TRIOBP: variants seen among roughly 807,000 people sequenced by gnomAD.
TRIOBP encodes the protein TRIO and F-actin binding protein.
TRIOBP carries 169 observed loss-of-function variants against 238.8 expected under a neutral mutation model. The ratio of observed to expected loss-of-function variants is 0.71; its 90% CI spans 0.62 to 0.80. TRIOBP has a LOEUF of 0.80. Ranked by LOEUF, TRIOBP falls within the 30% of genes least tolerant of loss-of-function variation. The probability of loss-of-function intolerance (pLI) is 0.00; values close to 1 mark genes in which losing one functional copy is unlikely to be tolerated. For missense variants in TRIOBP, 2,838 were observed against 3,122.6 expected, an observed-to-expected ratio of 0.91 and a Z score of 2.17; for synonymous variants, 1,150 against 1,274.4, an observed-to-expected ratio of 0.90 and a Z score of 2.08.
chr22:37,732,503 C>G (rs1924471778), intron 7 of TRIOBP, among the ~76,000 whole-genome samples: 1 of 75,968 alleles, frequency 1.3e-5, no homozygotes, highest in Admixed American at 1.9e-4. Flanking sequence ...GAGCGAGACT[C>G]CATCTCAAAA....
chr22:37,760,037 G>A (rs1926161990), intron 17 of TRIOBP: 1 of 40,804 alleles, frequency 2.5e-5, no homozygotes, highest in East Asian at 6.2e-4. Flanking sequence ...TTAACAAAGG[G>A]GGTTGTTCTA....
intron 15 of TRIOBP, among the ~76,000 whole-genome samples, 195 bp downstream of exon 15, chr22:37,755,854 C>T (rs1925892242): frequency 6.6e-6 from 1 of 152,188 alleles, no homozygotes. Flanking sequence ...TCTGTCTTCT[C>T]AAATGTGATG....
intron 11 of TRIOBP, among the ~76,000 whole-genome samples, chr22:37,750,378 CA>C (rs1378561593): frequency 2.6e-5 from 4 of 152,194 alleles, no homozygotes; most frequent in African/African-American, 7.2e-5. Flanking sequence ...AAATTTAGAC[CA>C]GGGGGTAGAT....
At chr22:37,760,934 G>A (rs544892538) in intron 17 of TRIOBP, among the ~76,000 whole-genome samples, 4 of 150,450 alleles carry the variant, frequency 2.7e-5, no homozygotes, top group South Asian at 4.2e-4. Flanking sequence ...ATTGCGCCAC[G>A]GCACTCCAGC....
rs936343195 is a variant in TRIOBP, at chr22:37,751,079, A to G, written c.5323-693A>G. The G allele has an allele frequency of 1.2e-5, 5 of 421,904 alleles. No individual in the cohort carries two copies. In the East Asian group the frequency reaches 2.8e-4, roughly 24 times the overall value. The allele number at this position is 421,904 out of a possible 1,614,324, so 26.1% of individuals were successfully genotyped here. ...AGATGAGCATGGTCAGAAAAATATC[A>G]GGATGAGCAACTTCTTTATCTAGGC... On this transcript the variant is annotated intron_variant, in intron 11 of 23. Transcript: ENST00000644935.
rs1923927166 is a variant in TRIOBP at position 37,723,235 on chromosome 22, G to C, written c.679G>C (p.Gly227Arg). The C allele has an allele frequency of 6.8e-6, 11 of 1,614,014 alleles. No homozygotes were observed. In the East Asian group the frequency reaches 2.5e-4, roughly 36 times the overall value. Residue 227 changes from glycine to arginine, a missense_variant, in exon 7 of 24, where the codon GGA becomes CGA. Gly to Arg is a moderately radical substitution (Grantham distance 125). Coordinates refer to ENST00000644935, the MANE Select transcript of TRIOBP (RefSeq NM_001039141.3). The part of the protein sequence containing the change: ...SAGQHWARLR[G>R]ESGLSLERHR... Reference sequence around the variant, plus strand: ...AGGACAGCACTGGGCAAGGCTCCGGGGAGAAAGCGGGTTGTCCCTGGAGCG... The same window carrying C: ...AGGACAGCACTGGGCAAGGCTCCGGCGAGAAAGCGGGTTGTCCCTGGAGCG...
chr22:37,727,300 A>G (rs1044220894), intron 7 of TRIOBP, among the ~76,000 whole-genome samples: 4 of 149,900 alleles, frequency 2.7e-5, no homozygotes, highest in African/African-American at 9.8e-5. Flanking sequence ...GAAAGTACCC[A>G]TGATTTTTTC....
chr22:37,759,569 G>C (rs200050890), intron 17 of TRIOBP: 11 of 1,593,836 alleles, frequency 6.9e-6, no homozygotes, highest in African/African-American at 2.7e-5. Flanking sequence ...GTGAGTCCCC[G>C]TGTGACACTC....
rs781191837 is a variant in TRIOBP at position 37,725,729 on chromosome 22, ATATACCACC to A, written c.3175_3183del (p.Ile1059_Pro1061del). 3 of 1,608,570 alleles carry A rather than the reference ATATACCACC, an allele frequency of 1.9e-6. No individual in the cohort carries two copies. The African/African-American group carries it at 4.1e-5, about 22-fold the overall frequency. On this transcript the variant is annotated inframe_deletion, in exon 7 of 24. Transcript: ENST00000644935. Reference sequence around the variant, plus strand: ...GAACCGCCCCACCACGAGCCTCCCTATATACCACCTGCTGTGTGCATTGGACACCGAGAT... The same window carrying A: ...GAACCGCCCCACCACGAGCCTCCCTATGCTGTGTGCATTGGACACCGAGAT...
chr22:37,728,952 G>T (rs1924302145), intron 7 of TRIOBP, among the ~76,000 whole-genome samples: 1 of 152,092 alleles, frequency 6.6e-6, no homozygotes, highest in Admixed American at 6.5e-5. Flanking sequence ...GTCTCGCTCT[G>T]TCACCCAGGC....
At chr22:37,703,182 G>A (rs922652216) in intron 3 of TRIOBP, among the ~76,000 whole-genome samples, 3 of 151,870 alleles carry the variant, frequency 2.0e-5, no homozygotes, top group Admixed American at 1.3e-4. Flanking sequence ...CTTTAGTAGA[G>A]ACAGGGTTTC....
rs1569064915 is a variant in TRIOBP, at chr22:37,771,749, GC to G, written c.6936+14del. The G allele has an allele frequency of 6.2e-7, 1 of 1,613,618 alleles. No homozygotes were observed. Among genetic ancestry groups the G allele is most frequent in the Non-Finnish European group, 8.5e-7 (1 of 1,179,714 alleles). ...GATGATGCAGAAGGTAGGTCCTTCCGCTGGGCTGGGGGCCGTCGGGGACTCT... is the reference window on the plus strand; with the variant it reads ...GATGATGCAGAAGGTAGGTCCTTCCGTGGGCTGGGGGCCGTCGGGGACTCT... On this transcript the variant is annotated intron_variant, in intron 22 of 23. Coordinates refer to ENST00000644935, the MANE Select transcript of TRIOBP (RefSeq NM_001039141.3).
chr22:37,719,409 TG>T (rs1223190747), intron 6 of TRIOBP, among the ~76,000 whole-genome samples: 8 of 151,954 alleles, frequency 5.3e-5, no homozygotes, highest in African/African-American at 1.9e-4. Context: ...GGCCCAGCGC[TG>T]GCTGTGCTGT....
At chr22:37,699,491 G>T (rs2145807921) in intron 2 of TRIOBP, among the ~76,000 whole-genome samples, 1 of 152,228 alleles carries the variant, frequency 6.6e-6, no homozygotes, top group East Asian at 1.9e-4. Flanking sequence ...CTACAATGCA[G>T]CTATAAGACA....
chr22:37,702,632 CTCTTT>C (rs1288965915), intron 3 of TRIOBP, among the ~76,000 whole-genome samples: 1 of 132,994 alleles, frequency 7.5e-6, no homozygotes, highest in African/African-American at 3.0e-5. Context: ...CTTTCTCTCT[CTCTTT>C]TTTTTTTTTT....
chr22:37,705,146 G>A (rs5756783), intron 3 of TRIOBP, among the ~76,000 whole-genome samples: 51,473 of 151,638 alleles, frequency 0.34, 9,437 homozygotes, highest in East Asian at 0.47. Context: ...AGGCCGAGAC[G>A]GGTGGATCAC....
intron 15 of TRIOBP, among the ~76,000 whole-genome samples, chr22:37,757,299 G>C (rs1311435904): frequency 6.6e-6 from 1 of 152,110 alleles, no homozygotes; most frequent in African/African-American, 2.4e-5. Flanking sequence ...GGAGTTTAAG[G>C]CTGCAGTGAA....
At chr22:37,757,297 AG>A (rs776337850) in intron 15 of TRIOBP, among the ~76,000 whole-genome samples, 38 of 152,294 alleles carry the variant, frequency 2.5e-4, no homozygotes, top group Non-Finnish European at 4.6e-4. Context: ...AAGGAGTTTA[AG>A]GCTGCAGTGA....
chr22:37,740,316 G>A (rs770720251), intron 10 of TRIOBP, among the ~76,000 whole-genome samples: 2 of 152,218 alleles, frequency 1.3e-5, no homozygotes, highest in Non-Finnish European at 2.9e-5. Context: ...CAAAGAGGGA[G>A]CATTTGGGGG....
Sources: allele counts gnomAD v4.1 joint callset (sites outside exome capture counted in the v4.1 genomes callset), GRCh38; gene constraint gnomAD v4.1.1; transcripts MANE v1.5; gene names NCBI Gene and HGNC (gene_info 2026-07-23, HGNC 2026-07-21).